The following AJAP1 variants were observed in gnomAD, a reference collection of about 807,000 sequenced individuals.
AJAP1 encodes the protein adherens junctions associated protein 1.
A neutral mutation model predicts 35.0 loss-of-function variants in AJAP1; 5 were observed. The ratio of observed to expected loss-of-function variants is 0.14; its 90% CI spans 0.07 to 0.30. The LOEUF (loss-of-function observed/expected upper bound fraction) is 0.30, where lower values mean the gene tolerates loss of function less well. Ranked by LOEUF, AJAP1 falls within the 10% of genes least tolerant of loss-of-function variation. The pLI is 1.00. For synonymous variants in AJAP1, 284 were observed against 249.3 expected (o/e 1.14, Z -1.31); for missense variants, 586 against 571.0 (o/e 1.03, Z -0.27).
intron 2 of AJAP1, among the ~76,000 whole-genome samples, chr1:4,732,146 C>T (rs753835002): frequency 3.9e-5 from 6 of 152,268 alleles, no homozygotes; most frequent in Non-Finnish European, 7.3e-5. Flanking sequence ...GAACAGCTTT[C>T]AGCCAGCCCC....
intron 4 of AJAP1, 32 bp downstream of exon 4, chr1:4,772,557 G>A (rs377076063): frequency 2.5e-6 from 4 of 1,605,994 alleles, no homozygotes; most frequent in Non-Finnish European, 3.4e-6. Context: ...CCCTGCAGCT[G>A]TGAAGCTCTT....
chr1:4,774,325 T>G (rs973985276), intron 4 of AJAP1, 102 bp from the exon 5 acceptor site: 24 of 1,080,004 alleles, frequency 2.2e-5, no homozygotes, highest in African/African-American at 3.1e-5. Flanking sequence ...AGTGCTTCCT[T>G]TCTCAAGAAG....
chr1:4,666,848 C>A (rs1322945401), intron 1 of AJAP1, among the ~76,000 whole-genome samples: 1 of 148,650 alleles, frequency 6.7e-6, no homozygotes, highest in Non-Finnish European at 1.5e-5. Flanking sequence ...CAGAGAGGAG[C>A]CTGTGAATCA....
chr1:4,788,969 A>G lies in AJAP1; in HGVS notation c.*6484A>G, dbSNP rs1642212251. 1 of 152,244 alleles carries G rather than the reference A, an allele frequency of 6.6e-6. No individual in the cohort carries two copies. The highest frequency in any genetic ancestry group is 1.5e-5 in the Non-Finnish European group (1 of 68,056). 9.4% of individuals were successfully genotyped at this position (152,244 alleles called of 1,614,324 possible). A position where few individuals can be genotyped will look rare whatever the true frequency, so the allele number is the denominator to read the frequency against. ...CCTGTTTTGGAGCTAAAAGCATAAA[A>G]TGAATCCTCCCTGTAGCTCCATTGC... On this transcript the variant is annotated 3_prime_UTR_variant, in exon 6 of 6. Coordinates refer to ENST00000378191, the MANE Select transcript of AJAP1 (RefSeq NM_018836.4).
intron 4 of AJAP1, among the ~76,000 whole-genome samples, chr1:4,773,321 G>C (rs414434): frequency 0.23 from 35,452 of 152,166 alleles, 4,606 homozygotes; most frequent in Middle Eastern, 0.35. Flanking sequence ...GACTGGACTC[G>C]AGTTGTTTTA....
At chr1:4,680,044 G>T (rs960306273) in intron 1 of AJAP1, among the ~76,000 whole-genome samples, 1 of 152,188 alleles carries the variant, frequency 6.6e-6, no homozygotes, top group Non-Finnish European at 1.5e-5. Flanking sequence ...GACTCAAGAA[G>T]AGCTGATGTT....
intron 1 of AJAP1, among the ~76,000 whole-genome samples, chr1:4,664,802 A>AT (rs1639080260): frequency 6.6e-6 from 1 of 152,128 alleles, no homozygotes; most frequent in Non-Finnish European, 1.5e-5. Context: ...CCTGCTGTGG[A>AT]TTCAATTTCC....
intron 2 of AJAP1, 105 bp downstream of exon 2, chr1:4,712,804 C>T (rs1321667082): frequency 3.2e-6 from 4 of 1,240,406 alleles, no homozygotes; most frequent in Non-Finnish European, 3.3e-6. Flanking sequence ...TGTGTGGAGG[C>T]TCCAGGAGAT....
chr1:4,657,944 A>G (rs1285484639), intron 1 of AJAP1, among the ~76,000 whole-genome samples: 2 of 151,960 alleles, frequency 1.3e-5, no homozygotes, highest in Non-Finnish European at 2.9e-5. Context: ...CAGCTGAGAG[A>G]GAGGGAGCCA....
chr1:4,705,261 T>G (rs2100252702), intron 1 of AJAP1, among the ~76,000 whole-genome samples: 1 of 152,040 alleles, frequency 6.6e-6, no homozygotes, highest in East Asian at 1.9e-4. Context: ...GACTTAAACG[T>G]TAGACCTAAA....
chr1:4,779,926 C>T (rs946180526), intron 5 of AJAP1, among the ~76,000 whole-genome samples: 3 of 152,058 alleles, frequency 2.0e-5, no homozygotes, highest in African/African-American at 7.2e-5. Context: ...CGGCGGATCA[C>T]CTGAAGTCAG....
At chr1:4,685,978 A>AC (rs1223458212) in intron 1 of AJAP1, among the ~76,000 whole-genome samples, 2 of 152,028 alleles carry the variant, frequency 1.3e-5, no homozygotes, top group African/African-American at 2.4e-5. Context: ...ATTTGAAAGG[A>AC]CCCCTTCCTT....
chr1:4,769,557 A>G lies in AJAP1; in HGVS notation c.830-296A>G, dbSNP rs910654951. 3.9e-5 allele frequency among the ~76,000 whole-genome samples: 6 copies of G among 152,184 alleles called. No individual in the cohort carries two copies. The East Asian group carries it at 9.6e-4, about 24-fold the overall frequency. ...GGGCTTGGCAGGTGCAAGAAAGAAC[A>G]CAGCCGCCCATGATCCAGGTCACGG... On this transcript the variant is annotated intron_variant, in intron 2 of 5. Transcript: ENST00000378191.
intron 2 of AJAP1, among the ~76,000 whole-genome samples, chr1:4,760,103 G>A (rs1047403387): frequency 6.6e-6 from 1 of 152,120 alleles, no homozygotes; most frequent in African/African-American, 2.4e-5. Flanking sequence ...TTTCCCTAAC[G>A]GCCACCAAGC....
rs777384081 is a variant in AJAP1 at position 4,712,003 on chromosome 1, G to C, written c.133G>C (p.Gly45Arg). Residue 45 changes from glycine to arginine, a missense_variant, in exon 2 of 6, where the codon GGC (glycine) becomes CGC (arginine). By Grantham distance (125) the Gly-to-Arg change is moderately radical. Transcript: ENST00000378191. ...GGACCTGCCCGCCTGTGAGGCCCTG[G>C]GCCCGGGGCCGGAGTTCTGGCTCCT... ...AVDLPACEAL[G>R]PGPEFWLLPR... The C allele has an allele frequency of 6.3e-7, 1 of 1,595,248 alleles. No individual in the cohort carries two copies. Among genetic ancestry groups the C allele is most frequent in the Admixed American group, 1.7e-5 (1 of 57,558 alleles).
At chr1:4,764,375 A>G (rs1418181559) in intron 2 of AJAP1, among the ~76,000 whole-genome samples, 1 of 152,130 alleles carries the variant, frequency 6.6e-6, no homozygotes, top group Non-Finnish European at 1.5e-5. Flanking sequence ...GAGGTGAGCA[A>G]CTGACTCAGA....
In AJAP1 at chr1:4,775,920, C is replaced by T. The variant is rs556812605; in HGVS notation, c.*59+1362C>T. ...CTACTGGAGTGCCAACCAAGCTAGC[C>T]GCAGGGAGCTGGCTTGCTAGCAGTG... is the stretch of plus-strand genomic sequence containing the variant. On this transcript the variant is annotated intron_variant, in intron 5 of 5. Transcript: ENST00000378191. 3.5e-4 allele frequency among the ~76,000 whole-genome samples: 54 copies of T among 152,316 alleles called. No individual in the cohort carries two copies. The South Asian group carries it at 0.01, about 29-fold the overall frequency.
intron 1 of AJAP1, among the ~76,000 whole-genome samples, chr1:4,660,744 T>G (rs1156646781): frequency 6.6e-6 from 1 of 152,190 alleles, no homozygotes; most frequent in Non-Finnish European, 1.5e-5. Flanking sequence ...TTTACAAAAC[T>G]TGCTCAGTTA....
At chr1:4,663,270 C>T (rs191823467) in intron 1 of AJAP1, among the ~76,000 whole-genome samples, 1 of 152,236 alleles carries the variant, frequency 6.6e-6, no homozygotes, top group Admixed American at 6.5e-5. Flanking sequence ...TGAGTCTCTG[C>T]ACCCAGCCAG....
Sources: gnomAD v4.1 joint callset for allele counts (sites outside exome capture counted in the v4.1 genomes callset) on GRCh38, gnomAD v4.1.1 for gene constraint, MANE v1.5 for transcripts, NCBI Gene and HGNC (gene_info 2026-07-23, HGNC 2026-07-21) for gene names.